AGTPBP1: variants seen among roughly 807,000 people sequenced by gnomAD.
AGTPBP1 encodes ATP/GTP binding carboxypeptidase 1, also known as cytosolic carboxypeptidase 1.
A neutral mutation model predicts 143.9 loss-of-function variants in AGTPBP1; 70 were observed. The ratio of observed to expected loss-of-function variants is 0.49; its 90% CI spans 0.40 to 0.59. AGTPBP1 has a LOEUF of 0.59. Ranked by LOEUF, AGTPBP1 falls within the 20% of genes least tolerant of loss-of-function variation. The pLI is 0.00. For missense variants in AGTPBP1, 1,229 were observed against 1,464.5 expected, an observed-to-expected ratio of 0.84 and a Z score of 2.62; for synonymous variants, 463 against 500.2, an observed-to-expected ratio of 0.93 and a Z score of 0.99.
the AGTPBP1 span, chr9:85,756,352 G>A: frequency 7.7e-7 from 1 of 1,295,210 alleles, no homozygotes. Flanking sequence ...TGTGTGGGAG[G>A]AGGTGGAGAA....
chr9:85,661,127 T>C (rs1005137594), intron 8 of AGTPBP1, among the ~76,000 whole-genome samples, 154 bp from the exon 9 acceptor site: 2 of 152,108 alleles, frequency 1.3e-5, no homozygotes, highest in Non-Finnish European at 2.9e-5. Flanking sequence ...TATTTCTCCG[T>C]ATGCATCTCT....
At chr9:85,641,698 A>G (rs985303680) in intron 13 of AGTPBP1, among the ~76,000 whole-genome samples, 2 of 151,714 alleles carry the variant, frequency 1.3e-5, no homozygotes, top group Admixed American at 1.3e-4. Flanking sequence ...TAGGTGATAA[A>G]TGTTTCTTTT....
chr9:85,724,824 C>T (rs1838366114), intron 1 of AGTPBP1, among the ~76,000 whole-genome samples: 1 of 152,146 alleles, frequency 6.6e-6, no homozygotes, highest in Admixed American at 6.5e-5. Context: ...TAGAAGAATG[C>T]CAGCACATTG....
At chr9:85,754,639 T>C in the AGTPBP1 span, among the ~76,000 whole-genome samples, 1 of 152,172 alleles carries the variant, frequency 6.6e-6, no homozygotes, top group Non-Finnish European at 1.5e-5. Flanking sequence ...AATTGAAATT[T>C]TAAATTTTAT....
At chr9:85,758,325 A>G in the AGTPBP1 span, among the ~76,000 whole-genome samples, 1 of 152,170 alleles carries the variant, frequency 6.6e-6, no homozygotes, top group Non-Finnish European at 1.5e-5. Flanking sequence ...TATGAAAAAC[A>G]TGAAAGAGCT....
chr9:85,724,693 CAAT>C (rs1287373250), intron 1 of AGTPBP1, among the ~76,000 whole-genome samples: 2 of 152,174 alleles, frequency 1.3e-5, no homozygotes, highest in African/African-American at 4.8e-5. Context: ...TTTATTCACA[CAAT>C]AACACAGACA....
At chr9:85,658,531 A>G (rs1257219605) in intron 9 of AGTPBP1, among the ~76,000 whole-genome samples, 1 of 152,122 alleles carries the variant, frequency 6.6e-6, no homozygotes, top group African/African-American at 2.4e-5. Context: ...GTGCAAGATA[A>G]TGTGCAATAC....
intron 14 of AGTPBP1, among the ~76,000 whole-genome samples, chr9:85,622,403 T>C (rs1041306877): frequency 1.3e-5 from 2 of 152,142 alleles, no homozygotes; most frequent in Non-Finnish European, 2.9e-5. Context: ...TTTAGAAATA[T>C]ATGTAACAAT....
At chr9:85,802,352 T>C in the AGTPBP1 span, among the ~76,000 whole-genome samples, 2 of 152,132 alleles carry the variant, frequency 1.3e-5, no homozygotes, top group Admixed American at 1.3e-4. Flanking sequence ...CTTCCCCTTA[T>C]ACTTGCCTGG....
chr9:85,655,124 A>C lies in AGTPBP1; in HGVS notation c.1087+19T>G. On this transcript the variant is annotated intron_variant, in intron 11 of 25. Coordinates refer to ENST00000357081, the MANE Select transcript of AGTPBP1 (RefSeq NM_001330701.2). ...ATTCTAAGAACCCACAAAAAGCAGCAGTGACCCTGTGATCCTACCTTCAGG... is the reference window on the plus strand; with the variant it reads ...ATTCTAAGAACCCACAAAAAGCAGCCGTGACCCTGTGATCCTACCTTCAGG... The C allele has an allele frequency of 6.4e-7, 1 of 1,570,272 alleles. No homozygotes were observed. Among genetic ancestry groups the C allele is most frequent in the Non-Finnish European group, 8.6e-7 (1 of 1,159,856 alleles).
chr9:85,795,856 G>GTTCTTTTTTTTTT, the AGTPBP1 span, among the ~76,000 whole-genome samples: 1 of 70,670 alleles, frequency 1.4e-5, no homozygotes. Context: ...CTTCTTCTTA[G>GTTCTTTTTTTTTT]TTTTTTTTTT....
chr9:85,571,155 T>A (rs959070601), intron 25 of AGTPBP1, among the ~76,000 whole-genome samples: 1 of 152,204 alleles, frequency 6.6e-6, no homozygotes, highest in African/African-American at 2.4e-5. Context: ...TATAGCTCTG[T>A]CTACCAAGAG....
intron 8 of AGTPBP1, among the ~76,000 whole-genome samples, chr9:85,664,878 C>T (rs555934195): frequency 1.3e-5 from 2 of 152,216 alleles, no homozygotes; most frequent in South Asian, 2.1e-4. Flanking sequence ...TACTAAGAAG[C>T]CTTCTTTGTC....
chr9:85,803,553 C>G, the AGTPBP1 span, among the ~76,000 whole-genome samples: 1 of 152,182 alleles, frequency 6.6e-6, no homozygotes, highest in African/African-American at 2.4e-5. Context: ...GAGTTTCCAA[C>G]TAAGGTCCTC....
rs1159297518 is a variant in AGTPBP1, at chr9:85,694,471, A to T, written c.33-1658T>A. 2.0e-5 allele frequency among the ~76,000 whole-genome samples: 3 copies of T among 152,290 alleles called. No homozygotes were observed. The East Asian group carries it at 5.8e-4, about 29-fold the overall frequency. Reference sequence around the variant, plus strand: ...ACCAGGTTGCCTTCTGAACTCTGAGATCTCCCAAAAGCATCCTGTGGTCAC... The same window carrying T: ...ACCAGGTTGCCTTCTGAACTCTGAGTTCTCCCAAAAGCATCCTGTGGTCAC... On this transcript the variant is annotated intron_variant, in intron 2 of 25. Coordinates refer to ENST00000357081, the MANE Select transcript of AGTPBP1 (RefSeq NM_001330701.2).
chr9:85,728,813 T>C (rs1838691366), intron 1 of AGTPBP1, among the ~76,000 whole-genome samples: 1 of 152,126 alleles, frequency 6.6e-6, no homozygotes, highest in South Asian at 2.1e-4. Flanking sequence ...AAATCTTACA[T>C]AAATTATGAC....
intron 13 of AGTPBP1, among the ~76,000 whole-genome samples, chr9:85,635,946 C>T (rs1441431064): frequency 6.6e-6 from 1 of 152,022 alleles, no homozygotes; most frequent in Admixed American, 6.5e-5. Flanking sequence ...GCCATCAAAT[C>T]ACATGGATTC....
At chr9:85,717,262 G>T (rs1837766165) in intron 1 of AGTPBP1, among the ~76,000 whole-genome samples, 1 of 152,206 alleles carries the variant, frequency 6.6e-6, no homozygotes, top group Non-Finnish European at 1.5e-5. Context: ...CCAACACTTT[G>T]GGAGGCCCAG....
chr9:85,683,212 T>A (rs561091876), intron 3 of AGTPBP1, among the ~76,000 whole-genome samples: 2 of 152,214 alleles, frequency 1.3e-5, no homozygotes, highest in South Asian at 2.1e-4. Context: ...AGAGTAAAAT[T>A]AAATTTCTCC....
Sources: allele counts gnomAD v4.1 joint callset (sites outside exome capture counted in the v4.1 genomes callset), GRCh38; gene constraint gnomAD v4.1.1; transcripts MANE v1.5; gene names NCBI Gene and HGNC (gene_info 2026-07-23, HGNC 2026-07-21).